Variants in IKZF3 observed in about 807,000 individuals in gnomAD.
IKZF3 encodes zinc finger protein Aiolos.
A neutral mutation model predicts 49.0 loss-of-function variants in IKZF3; 10 were observed. The observed-to-expected ratio is 0.20, with a 90% CI of 0.13 to 0.35. IKZF3 has a LOEUF of 0.35. IKZF3 is among the 10% of genes least tolerant of loss of function. The pLI is 1.00. For synonymous variants in IKZF3, 209 were observed against 228.2 expected, an observed-to-expected ratio of 0.92 and a Z score of 0.76; for missense variants, 498 against 664.8, an observed-to-expected ratio of 0.75 and a Z score of 2.76.
At chr17:39,832,065 G>T (rs766725346) in intron 2 of IKZF3, 33 bp downstream of exon 2, 28 of 1,511,880 alleles carry the variant, frequency 1.9e-5, no homozygotes, top group Non-Finnish European at 2.2e-5. Flanking sequence ...TTTAGTAAAG[G>T]TATATTTCCA....
At chr17:39,849,241 C>T (rs940936028) in intron 1 of IKZF3, among the ~76,000 whole-genome samples, 3 of 150,184 alleles carry the variant, frequency 2.0e-5, no homozygotes, top group African/African-American at 7.4e-5. Context: ...TGAGACCAGC[C>T]TGGCCAACAT....
intron 3 of IKZF3, among the ~76,000 whole-genome samples, chr17:39,822,269 AC>A (rs1260573588): frequency 1.3e-5 from 2 of 152,138 alleles, no homozygotes; most frequent in Non-Finnish European, 2.9e-5. Context: ...CTGTGTCCCC[AC>A]CCAAATCTCA....
At chr17:39,766,566 A>C in intron 7 of IKZF3, 73 bp from the exon 8 acceptor site, 1 of 1,313,498 alleles carries the variant, frequency 7.6e-7, no homozygotes, top group Non-Finnish European at 1.0e-6. Flanking sequence ...TTTTCTAGAG[A>C]CCTCAAAAAG....
At position 39,792,867 on chromosome 17, in the gene IKZF3, A is replaced by G. The variant is rs779155942; in HGVS notation, c.230T>C (p.Met77Thr). 9 of 1,613,788 alleles carry G rather than the reference A, an allele frequency of 5.6e-6. No individual in the cohort carries two copies. The highest frequency in any genetic ancestry group is 2.2e-5 in the East Asian group (1 of 44,872). The change falls in exon 4 of 8, where the codon ATG (methionine) becomes ACG (threonine). Residue 77 changes from methionine to threonine, a missense_variant. By Grantham distance (81) the Met-to-Thr change is moderately conservative (BLOSUM62 -1). Around this residue, in one of 3 missense-constraint regions of IKZF3, gnomAD observed 97 missense variants for 98.9 expected, o/e 0.98. Transcript: ENST00000346872. ...GATTTCAGGCTCTTCTGCATTTCCC[A>G]TGGGTTCTGACTTTAAAACATTCTC... Reference protein sequence around the residue: ...RDENVLKSEPMGNAEEPEIPY... With the variant: ...RDENVLKSEPTGNAEEPEIPY...
intron 7 of IKZF3, among the ~76,000 whole-genome samples, chr17:39,772,275 A>AG (rs2060464311): frequency 1.3e-5 from 2 of 152,112 alleles, no homozygotes; most frequent in Admixed American, 1.3e-4. Flanking sequence ...TTTTTTGAAG[A>AG]GGGGGGCAAA....
chr17:39,788,151 C>T, intron 6 of IKZF3, 107 bp downstream of exon 6: 1 of 665,172 alleles, frequency 1.5e-6, no homozygotes, highest in Non-Finnish European at 2.6e-6. Flanking sequence ...TCTTTATAAT[C>T]TGTCTGCCCC....
At chr17:39,808,010 T>C (rs1331725513) in intron 3 of IKZF3, among the ~76,000 whole-genome samples, 2 of 152,136 alleles carry the variant, frequency 1.3e-5, no homozygotes, top group South Asian at 2.1e-4. Context: ...ATTTAAAGTA[T>C]GTAAATTATA....
intron 3 of IKZF3, among the ~76,000 whole-genome samples, chr17:39,810,943 A>G (rs909985379): frequency 2.0e-5 from 3 of 152,166 alleles, no homozygotes; most frequent in Non-Finnish European, 4.4e-5. Context: ...TTTCTTTTAT[A>G]AAGTGGAGAA....
At chr17:39,812,530 T>C (rs1025809690) in intron 3 of IKZF3, among the ~76,000 whole-genome samples, 1 of 152,156 alleles carries the variant, frequency 6.6e-6, no homozygotes, top group Admixed American at 6.6e-5. Context: ...GCATACAAAA[T>C]TGTTGAAAAT....
At position 39,791,561 on chromosome 17, in the gene IKZF3, A is replaced by G. The variant is rs1451487927; in HGVS notation, c.447T>C (p.Asn149=). ...SHTGERPFQC[N]QCGASFTQKG... ...TCTGAGTAAAAGATGCCCCACACTG[A>G]TTACACTGGAATGGGCGTTCACCTT... Residue 149 remains asparagine, a synonymous_variant, in exon 5 of 8, where the codon AAT becomes AAC. Coordinates refer to ENST00000346872, the MANE Select transcript of IKZF3 (RefSeq NM_012481.5). 3 of 1,614,076 alleles carry G rather than the reference A, an allele frequency of 1.9e-6. No homozygotes were observed. The highest frequency in any genetic ancestry group is 1.7e-5 in the Admixed American group (1 of 60,012).
At chr17:39,794,550 A>G (rs2061115461) in intron 3 of IKZF3, among the ~76,000 whole-genome samples, 1 of 152,190 alleles carries the variant, frequency 6.6e-6, no homozygotes, top group South Asian at 2.1e-4. Context: ...CCTAACCACC[A>G]TCAGAGGAGC....
chr17:39,803,980 T>C (rs1310962584), intron 3 of IKZF3, among the ~76,000 whole-genome samples: 1 of 152,224 alleles, frequency 6.6e-6, no homozygotes, highest in Non-Finnish European at 1.5e-5. Flanking sequence ...AAAAGTCTTC[T>C]ATATCCAGAG....
At chr17:39,829,554 A>C (rs1598140086) in intron 2 of IKZF3, 66 bp from the exon 3 acceptor site, 2 of 1,071,628 alleles carry the variant, frequency 1.9e-6, no homozygotes, top group East Asian at 2.5e-5. Flanking sequence ...ATATATATTA[A>C]GTAGACCCCC....
chr17:39,861,326 C>A (rs2063209136), intron 1 of IKZF3, among the ~76,000 whole-genome samples: 1 of 152,054 alleles, frequency 6.6e-6, no homozygotes, highest in Non-Finnish European at 1.5e-5. Flanking sequence ...CCAGAAGGCA[C>A]TAGGAGGAGG....
At chr17:39,828,495 T>C (rs1264085263) in intron 3 of IKZF3, among the ~76,000 whole-genome samples, 2 of 152,220 alleles carry the variant, frequency 1.3e-5, no homozygotes, top group African/African-American at 4.8e-5. Context: ...AAATGAGTTA[T>C]GTAACAAGTC....
At chr17:39,821,022 T>C (rs943984868) in intron 3 of IKZF3, among the ~76,000 whole-genome samples, 2 of 152,130 alleles carry the variant, frequency 1.3e-5, no homozygotes, top group Admixed American at 6.5e-5. Flanking sequence ...TTGTATCTTT[T>C]ATAATAAACT....
chr17:39,863,671 C>A (rs2144620651), intron 1 of IKZF3, among the ~76,000 whole-genome samples: 1 of 152,254 alleles, frequency 6.6e-6, no homozygotes, highest in Admixed American at 6.5e-5. Context: ...ACTGCAAATG[C>A]CAACCGCTTT....
chr17:39,824,082 AG>A (rs1456602807), intron 3 of IKZF3, among the ~76,000 whole-genome samples: 1 of 152,208 alleles, frequency 6.6e-6, no homozygotes, highest in Non-Finnish European at 1.5e-5. Flanking sequence ...GCAGCTGGGA[AG>A]GGGACTGTAC....
chr17:39,839,152 C>CT (rs199888566), intron 1 of IKZF3, among the ~76,000 whole-genome samples: 289 of 145,866 alleles, frequency 2.0e-3, no homozygotes, highest in Middle Eastern at 3.6e-3. Context: ...AATTTTTCTT[C>CT]TTTTTTTTTT....
Sources: allele counts gnomAD v4.1 joint callset (sites outside exome capture counted in the v4.1 genomes callset), GRCh38; gene constraint gnomAD v4.1.1; regional missense constraint gnomAD v4.1.1; transcripts MANE v1.5; gene names NCBI Gene and HGNC (gene_info 2026-07-23, HGNC 2026-07-21).